The following FRMPD4 variants were observed in gnomAD, a reference collection of about 807,000 sequenced individuals.
FRMPD4 encodes FERM and PDZ domain containing 4, also known as FERM and PDZ domain-containing protein 4.
In FRMPD4, 22 loss-of-function variants were observed where a neutral mutation model predicts 94.1. The ratio of observed to expected loss-of-function variants is 0.23; its 90% CI spans 0.17 to 0.33. The LOEUF (loss-of-function observed/expected upper bound fraction) is 0.33. FRMPD4 is among the 10% of genes least tolerant of loss of function. The pLI is 1.00. For missense variants in FRMPD4, 1,111 were observed against 1,339.9 expected, an observed-to-expected ratio of 0.83 and a Z score of 2.67; for synonymous variants, 631 against 548.6, an observed-to-expected ratio of 1.15 and a Z score of -2.10.
chrX:12,439,186 A>G (rs1442783742), intron 1 of FRMPD4, among the ~76,000 whole-genome samples: 1 of 111,169 alleles, frequency 9.0e-6, no homozygotes, highest in Non-Finnish European at 1.9e-5. Flanking sequence ...CTGTCCAGTA[A>G]CCCAGTGTAT....
chrX:12,022,635 G>A (rs748011595), intron 3 of FRMPD4, among the ~76,000 whole-genome samples: 3 of 111,257 alleles, frequency 2.7e-5, no homozygotes, highest in African/African-American at 6.5e-5. Context: ...ATCTCTCTTC[G>A]GATGCAGGCT....
chrX:11,903,587 A>G (rs1290816071), intron 3 of FRMPD4, among the ~76,000 whole-genome samples: 3 of 112,376 alleles, frequency 2.7e-5, no homozygotes, highest in Non-Finnish European at 5.6e-5. Flanking sequence ...TACAAACTTA[A>G]AAGTCATCAA....
intron 1 of FRMPD4, among the ~76,000 whole-genome samples, chrX:12,234,788 T>C (rs1385447358): frequency 8.9e-6 from 1 of 111,926 alleles, no homozygotes; most frequent in Non-Finnish European, 1.9e-5. Flanking sequence ...AATTGCAAAA[T>C]TGGAAAAGAA....
intron 14 of FRMPD4, among the ~76,000 whole-genome samples, chrX:12,714,248 T>C (rs898529304): frequency 9.0e-6 from 1 of 111,575 alleles, no homozygotes; most frequent in Admixed American, 9.5e-5. Flanking sequence ...AAAACCAGAA[T>C]GTTGATAGGG....
chrX:12,259,470 T>G (rs181588682), intron 1 of FRMPD4, among the ~76,000 whole-genome samples: 29 of 111,306 alleles, frequency 2.6e-4, no homozygotes, highest in African/African-American at 9.1e-4. Context: ...GCTAGGAAGA[T>G]GTAAGGAGGG....
At chrX:12,016,313 G>A (rs66851425) in intron 3 of FRMPD4, among the ~76,000 whole-genome samples, 5,501 of 111,902 alleles carry the variant, frequency 0.049, 353 homozygotes, top group African/African-American at 0.17. Context: ...ATGAAGTGTG[G>A]TTGAGTTGGA....
At chrX:12,442,572 A>AAATT (rs1427246639) in intron 1 of FRMPD4, among the ~76,000 whole-genome samples, 2 of 112,131 alleles carry the variant, frequency 1.8e-5, no homozygotes, top group Non-Finnish European at 3.8e-5. Flanking sequence ...AAAAGTCAGA[A>AAATT]AATTACAAAT....
intron 3 of FRMPD4, among the ~76,000 whole-genome samples, chrX:12,057,414 A>T (rs1397272205): frequency 9.0e-6 from 1 of 111,447 alleles, no homozygotes; most frequent in African/African-American, 3.2e-5. Flanking sequence ...AAAAACAAAA[A>T]ATTGCCCCCC....
At chrX:12,338,933 C>T (rs1054265696) in intron 1 of FRMPD4, among the ~76,000 whole-genome samples, 4 of 111,709 alleles carry the variant, frequency 3.6e-5, no homozygotes, top group African/African-American at 1.3e-4. Context: ...CCAGTTAGTG[C>T]GTAGAGGAAA....
At chrX:12,639,424 A>G (rs993502391) in intron 4 of FRMPD4, among the ~76,000 whole-genome samples, 1 of 112,352 alleles carries the variant, frequency 8.9e-6, no homozygotes, top group Non-Finnish European at 1.9e-5. Flanking sequence ...CTCTCTTTTA[A>G]TGAAGAAGAA....
In FRMPD4 at chrX:12,475,779, G is replaced by A. The variant is rs1181284828; in HGVS notation, c.42-22901G>A. 2.7e-5 allele frequency among the ~76,000 whole-genome samples: 3 copies of A among 111,847 alleles called. No homozygotes were observed. The Admixed American group carries it at 2.8e-4, about 11-fold the overall frequency. ...AAGGGATGTGAAGGTCCTCTTCAAA[G>A]AGAACTACAAACCACTGCTCAATGA... On this transcript the variant is annotated intron_variant, in intron 1 of 16. Transcript: ENST00000675598.
At chrX:11,926,202 C>G (rs1447851107) in intron 3 of FRMPD4, among the ~76,000 whole-genome samples, 2 of 98,811 alleles carry the variant, frequency 2.0e-5, no homozygotes, top group East Asian at 6.3e-4. Flanking sequence ...AACTGAATCC[C>G]TGAACAGACC....
chrX:12,006,551 G>A (rs2054555089), intron 3 of FRMPD4, among the ~76,000 whole-genome samples: 1 of 112,026 alleles, frequency 8.9e-6, no homozygotes, highest in African/African-American at 3.3e-5. Context: ...AGTTGGAAAT[G>A]TCATCATTTA....
intron 1 of FRMPD4, among the ~76,000 whole-genome samples, chrX:12,406,794 G>C (rs761469045): frequency 3.4e-4 from 38 of 111,874 alleles, no homozygotes; most frequent in African/African-American, 1.1e-3. Flanking sequence ...GTAAAATATG[G>C]CTTATGTGTT....
intron 1 of FRMPD4, among the ~76,000 whole-genome samples, chrX:12,462,025 A>T (rs910740441): frequency 8.9e-6 from 1 of 111,855 alleles, no homozygotes; most frequent in East Asian, 2.8e-4. Flanking sequence ...TGCTGCCTTC[A>T]CTTTAGGTAT....
At chrX:12,531,715 A>G (rs1307278457) in intron 2 of FRMPD4, among the ~76,000 whole-genome samples, 1 of 110,976 alleles carries the variant, frequency 9.0e-6, no homozygotes, top group Admixed American at 9.6e-5. Context: ...AATTTCATTT[A>G]CCTCCTACCC....
At chrX:12,503,556 G>A (rs2057947152) in intron 2 of FRMPD4, among the ~76,000 whole-genome samples, 1 of 112,024 alleles carries the variant, frequency 8.9e-6, no homozygotes, top group African/African-American at 3.2e-5. Context: ...ATTCCCATCT[G>A]CCAATCTATT....
At chrX:12,550,036 T>G (rs1366054375) in intron 2 of FRMPD4, among the ~76,000 whole-genome samples, 6 of 111,959 alleles carry the variant, frequency 5.4e-5, no homozygotes, top group Non-Finnish European at 1.1e-4. Flanking sequence ...GTTAGTGAGA[T>G]TTATGTCTCC....
intron 4 of FRMPD4, among the ~76,000 whole-genome samples, chrX:12,669,418 C>CTATATATAAATA (rs72162084): frequency 0.32 from 34,896 of 110,583 alleles, 4,576 homozygotes; most frequent in Non-Finnish European, 0.41. Flanking sequence ...GATGACCAAG[C>CTATATATAAATA]TAAGCCATGC....
Sources: gnomAD v4.1 joint callset for allele counts (sites outside exome capture counted in the v4.1 genomes callset) on GRCh38, gnomAD v4.1.1 for gene constraint, MANE v1.5 for transcripts, NCBI Gene and HGNC (gene_info 2026-07-23, HGNC 2026-07-21) for gene names.